Variants in EXOC7 observed in about 807,000 individuals in gnomAD.
EXOC7 encodes the protein exocyst complex component Exo70.
Under a neutral mutation model 87.6 loss-of-function variants are expected in EXOC7, and 51 were observed. The observed-to-expected ratio is 0.58, with a 90% CI of 0.46 to 0.73. The LOEUF is 0.73. Ranked by LOEUF, EXOC7 falls within the 30% of genes least tolerant of loss-of-function variation. The pLI is 0.00. For synonymous variants in EXOC7, 327 were observed against 357.1 expected, an observed-to-expected ratio of 0.92 and a Z score of 0.95; for missense variants, 744 against 888.4, an observed-to-expected ratio of 0.84 and a Z score of 2.07.
chr17:76,092,023 C>T (rs574474344), intron 6 of EXOC7, among the ~76,000 whole-genome samples: 2 of 152,190 alleles, frequency 1.3e-5, no homozygotes, highest in Non-Finnish European at 2.9e-5. Context: ...CTGGGTCAGC[C>T]TCCTTTGTGG....
intron 13 of EXOC7, 61 bp downstream of exon 13, chr17:76,086,019 G>C: frequency 6.3e-7 from 1 of 1,589,762 alleles, no homozygotes; most frequent in Non-Finnish European, 8.6e-7. Flanking sequence ...ACAGACAGAA[G>C]GAAGGGAAAG....
rs533004038 is a variant in EXOC7 at position 76,091,056 on chromosome 17, G to A, written c.901+87C>T. On this transcript the variant is annotated intron_variant, in intron 7 of 18. Transcript: ENST00000589210. ...CTGCTCCCCTCAGGGTTTCTCCCGA[G>A]GCCCTCCTGGGGGAGGCTCTGCCCT... The A allele has an allele frequency of 2.2e-5, 26 of 1,189,656 alleles. 1 individual carries two copies. The South Asian group carries it at 3.2e-4, about 15-fold the overall frequency. 73.7% of individuals were successfully genotyped at this position (1,189,656 alleles called of 1,614,324 possible).
At chr17:76,100,658 G>A (rs753822123) in intron 4 of EXOC7, among the ~76,000 whole-genome samples, 12 of 151,492 alleles carry the variant, frequency 7.9e-5, no homozygotes, top group Non-Finnish European at 1.5e-4. Flanking sequence ...TTTATATTAT[G>A]TATTTTTAAC....
intron 5 of EXOC7, among the ~76,000 whole-genome samples, chr17:76,095,677 C>G (rs1439789952): frequency 6.6e-6 from 1 of 152,142 alleles, no homozygotes; most frequent in Non-Finnish European, 1.5e-5. Context: ...GGCCATGGAA[C>G]TGTCGATGAG....
In EXOC7 at chr17:76,081,491, C is replaced by T. The variant is rs910457903; in HGVS notation, c.*2157G>A. ...GGCCAGAGGCCAGGCCCCATGCCCC[C>T]GATGCCCACCTCCTTCCCCCCCGCC... On this transcript the variant is annotated 3_prime_UTR_variant, in exon 19 of 19. Coordinates refer to ENST00000589210, the MANE Select transcript of EXOC7 (RefSeq NM_001013839.4). The T allele has an allele frequency of 9.3e-6, 15 of 1,609,882 alleles. No homozygotes were observed. The highest frequency in any genetic ancestry group is 1.7e-5 in the Admixed American group (1 of 59,942).
At chr17:76,091,746 T>C (rs2246999) in intron 6 of EXOC7, 74,569 of 153,766 alleles carry the variant, frequency 0.48, 18,609 homozygotes, top group South Asian at 0.67. Flanking sequence ...GAAGCCACCC[T>C]GACTGAACTT....
At chr17:76,087,581 C>T (rs776152615) in intron 12 of EXOC7, 73 bp downstream of exon 12, 12 of 1,441,888 alleles carry the variant, frequency 8.3e-6, no homozygotes, top group East Asian at 5.0e-5. Flanking sequence ...CTCACTGCTA[C>T]CTGCCCTCTA....
At chr17:76,095,687 G>A (rs2067715858) in intron 5 of EXOC7, among the ~76,000 whole-genome samples, 1 of 152,172 alleles carries the variant, frequency 6.6e-6, no homozygotes, top group East Asian at 1.9e-4. Flanking sequence ...CTGTCGATGA[G>A]TCCATCGATT....
chr17:76,097,891 G>A lies in EXOC7; in HGVS notation c.545C>T (p.Ala182Val), dbSNP rs773064373. ...DLISGDDDLE[A>V]QEDVTLEHLP... Reference sequence around the variant, plus strand: ...GTGCTCCAGGGTCACGTCCTCCTGGGCCTCCAGATCATCGTCACCACTGAT... The same window carrying A: ...GTGCTCCAGGGTCACGTCCTCCTGGACCTCCAGATCATCGTCACCACTGAT... Residue 182 changes from alanine (A) to valine (V), a missense_variant, in exon 5 of 19, where the codon GCC becomes GTC. Physicochemically the swap from Ala to Val is moderately conservative, Grantham distance 64. Around this residue, in one of 3 missense-constraint regions of EXOC7, gnomAD observed 512 missense variants for 573.0 expected, o/e 0.89. Coordinates refer to ENST00000589210, the MANE Select transcript of EXOC7 (RefSeq NM_001013839.4). The A allele has an allele frequency of 6.2e-7, 1 of 1,613,906 alleles. No homozygotes were observed. The highest frequency in any genetic ancestry group is 8.5e-7 in the Non-Finnish European group (1 of 1,179,974).
In EXOC7 at chr17:76,091,147, C is replaced by T. The variant is rs762669380; in HGVS notation, c.897G>A (p.Leu299=). The change falls in exon 7 of 19, where the codon CTG becomes CTA. Residue 299 remains leucine (L), a synonymous_variant. Transcript: ENST00000589210. ...AGGGGAACACAGGGTGATTACCTTC[C>T]AGAGGAATGAGGTTAGAGCCCCCCT... The part of the protein sequence containing the change: ...GKKGGSNLIP[L]EGRDDMLDVE... The T allele has an allele frequency of 2.5e-6, 4 of 1,613,472 alleles. No homozygotes were observed. In the African/African-American group the frequency reaches 5.3e-5, roughly 22 times the overall value.
chr17:76,086,312 A>T (rs1380122225), intron 12 of EXOC7, among the ~76,000 whole-genome samples, 167 bp from the exon 13 acceptor site: 1 of 152,214 alleles, frequency 6.6e-6, no homozygotes, highest in East Asian at 1.9e-4. Context: ...CGCAGGAAGC[A>T]CCAGCCCTGG....
At chr17:76,100,320 A>T (rs1822346379) in intron 4 of EXOC7, among the ~76,000 whole-genome samples, 1 of 152,032 alleles carries the variant, frequency 6.6e-6, no homozygotes, top group African/African-American at 2.4e-5. Context: ...TGCCACTGTT[A>T]ACTTAGAGTT....
chr17:76,089,622 C>A lies in EXOC7; in HGVS notation c.902-302G>T, dbSNP rs151081544. Reference sequence around the variant, plus strand: ...AGATAAGGAGGGAAGATTCCTGAATCAGCGTCCTGGATAAGGTGGTTTGAC... The same window carrying A: ...AGATAAGGAGGGAAGATTCCTGAATAAGCGTCCTGGATAAGGTGGTTTGAC... On this transcript the variant is annotated intron_variant, in intron 7 of 18. Transcript: ENST00000589210. 4.6e-3 allele frequency: 2,056 copies of A among 448,710 alleles called. 27 individuals carry two copies. Among genetic ancestry groups the A allele is most frequent in the African/African-American group, 0.034 (1,700 of 50,650 alleles). The allele number at this position is 448,710 out of a possible 1,614,324, so 27.8% of individuals were successfully genotyped here. A position where few individuals can be genotyped will look rare whatever the true frequency, so the allele number is the denominator to read the frequency against.
intron 7 of EXOC7, 119 bp from the exon 8 acceptor site, chr17:76,089,439 G>T: frequency 7.6e-7 from 1 of 1,313,230 alleles, no homozygotes; most frequent in Non-Finnish European, 1.0e-6. Context: ...ATGGGGAAGA[G>T]GCTGACTGTT....
chr17:76,091,259 G>A (rs776946578), intron 6 of EXOC7, 24 bp from the exon 7 acceptor site: 20 of 1,605,804 alleles, frequency 1.2e-5, no homozygotes, highest in Non-Finnish European at 1.6e-5. Context: ...CACACAGAGA[G>A]GAGATAAGAA....
rs148660462 is a variant in EXOC7, at chr17:76,101,795, C to T, written c.195G>A (p.Lys65=). 42 of 1,614,108 alleles carry T rather than the reference C, an allele frequency of 2.6e-5. No individual in the cohort carries two copies. The highest frequency in any genetic ancestry group is 3.5e-5 in the Non-Finnish European group (41 of 1,180,030). The change falls in exon 3 of 19, where the codon AAG becomes AAA. Residue 65 remains lysine (K), a synonymous_variant. Coordinates refer to ENST00000589210, the MANE Select transcript of EXOC7 (RefSeq NM_001013839.4). The stretch of plus-strand genomic sequence containing the variant: ...GCAGCCGCTGCAGATTCTCCGTCTG[C>T]TTGTGCACAGGGATGATGGAGTTCT... ...KLENSIIPVH[K]QTENLQRLQE...
At position 76,091,218 on chromosome 17, in the gene EXOC7, G is replaced by A; in HGVS notation, c.826C>T (p.Gln276Ter). 1.9e-6 allele frequency: 3 copies of A among 1,614,132 alleles called. No individual in the cohort carries two copies. Among genetic ancestry groups the A allele is most frequent in the Non-Finnish European group, 2.5e-6 (3 of 1,180,002 alleles). The change falls in exon 7 of 19, where the codon CAG (glutamine) becomes TAG (stop). Residue 276 changes from glutamine to a stop codon, truncating the protein, a stop_gained. Transcript: ENST00000589210. LOFTEE classifies it high-confidence loss of function. ...VKRPGTIRKA[Q>*]NLLKQYSQHG... is the part of the protein sequence containing the mutation. ...TGGGAATACTGTTTCAGAAGGTTCT[G>A]AGCCTTACGGATCGTCCCTGTCACC...
At chr17:76,103,328 C>CA in intron 2 of EXOC7, 33 bp downstream of exon 2, 1 of 1,560,396 alleles carries the variant, frequency 6.4e-7, no homozygotes, top group Non-Finnish European at 8.7e-7. Context: ...GGTCCGGAGG[C>CA]CTGCCCTCTC....
In EXOC7 at chr17:76,084,057, C is replaced by T. The variant is rs763431511; in HGVS notation, c.1901G>A (p.Arg634His). The T allele has an allele frequency of 6.8e-6, 11 of 1,609,660 alleles. No individual in the cohort carries two copies. The highest frequency in any genetic ancestry group is 2.2e-5 in the East Asian group (1 of 44,862). Residue 634 changes from arginine to histidine, a missense_variant, in exon 18 of 19, where the codon CGC becomes CAC. Physicochemically the swap from Arg to His is conservative, Grantham distance 29. Around this residue, in one of 3 missense-constraint regions of EXOC7, gnomAD observed 228 missense variants for 298.6 expected, o/e 0.76. Coordinates refer to ENST00000589210, the MANE Select transcript of EXOC7 (RefSeq NM_001013839.4). ...CTTGACAATGGTCTTCTGGGCCTGG[C>T]GAATCCTGTCCCTCTGCTCTGTGTC... Reference protein sequence around the residue: ...IPDTEQRDRIRQAQKTIVKET... With the variant: ...IPDTEQRDRIHQAQKTIVKET...
Sources: allele counts gnomAD v4.1 joint callset (sites outside exome capture counted in the v4.1 genomes callset), GRCh38; gene constraint gnomAD v4.1.1; regional missense constraint gnomAD v4.1.1; transcripts MANE v1.5; gene names NCBI Gene and HGNC (gene_info 2026-07-23, HGNC 2026-07-21).